TAF4B: variants seen among roughly 807,000 people sequenced by gnomAD.
The protein encoded by TAF4B is TATA-box binding protein associated factor 4b.
TAF4B carries 38 observed loss-of-function variants against 86.4 expected under a neutral mutation model. The observed-to-expected ratio is 0.44, with a 90% CI of 0.34 to 0.58. TAF4B has a LOEUF of 0.58. TAF4B is among the 20% of genes least tolerant of loss of function. The pLI is 0.02. For synonymous variants in TAF4B, 388 were observed against 391.2 expected (o/e 0.99, Z 0.10); for missense variants, 988 against 1,027.6 (o/e 0.96, Z 0.53).
intron 14 of TAF4B, among the ~76,000 whole-genome samples, chr18:26,366,568 G>A (rs1235483215): frequency 6.6e-6 from 1 of 152,180 alleles, no homozygotes; most frequent in Non-Finnish European, 1.5e-5. Context: ...CTTAAAGCAA[G>A]GGGTATAGAT....
chr18:26,389,807 T>C, intron 14 of TAF4B, 38 bp from the exon 15 acceptor site: 2 of 1,593,578 alleles, frequency 1.3e-6, no homozygotes, highest in Non-Finnish European at 1.7e-6. Context: ...TTATGAAAGA[T>C]TTTTATTTCA....
intron 2 of TAF4B, chr18:26,266,124 T>G (rs1486135993): frequency 6.6e-6 from 1 of 152,166 alleles, no homozygotes; most frequent in Admixed American, 6.6e-5. Flanking sequence ...TTCTTTTTTG[T>G]TTTTTGAGAC....
At chr18:26,367,556 GTTC>G (rs958051032) in intron 14 of TAF4B, among the ~76,000 whole-genome samples, 5 of 152,224 alleles carry the variant, frequency 3.3e-5, no homozygotes, top group African/African-American at 1.2e-4. Flanking sequence ...GGTAAGGGTG[GTTC>G]TTCTTTATTC....
chr18:26,239,903 T>G (rs1430171428), intron 1 of TAF4B, among the ~76,000 whole-genome samples: 1 of 152,244 alleles, frequency 6.6e-6, no homozygotes, highest in African/African-American at 2.4e-5. Context: ...GTTGTAGATG[T>G]GTGGTACTAT....
chr18:26,303,254 A>G (rs188279298), intron 9 of TAF4B, among the ~76,000 whole-genome samples: 48 of 100,480 alleles, frequency 4.8e-4, no homozygotes, highest in East Asian at 1.5e-3. Flanking sequence ...TACTCCCTCC[A>G]CTTTCATCCT....
chr18:26,260,727 G>C (rs2056152819), intron 1 of TAF4B, among the ~76,000 whole-genome samples: 1 of 152,048 alleles, frequency 6.6e-6, no homozygotes, highest in African/African-American at 2.4e-5. Flanking sequence ...TGCCAGTTTA[G>C]GTTTACTTTT....
intron 6 of TAF4B, among the ~76,000 whole-genome samples, chr18:26,282,494 AAAAAATATTTTATTGCT>A (rs573372056): frequency 6.6e-6 from 1 of 152,348 alleles, no homozygotes; most frequent in Admixed American, 6.5e-5. Context: ...TATGCTAATT[AAAAAATATTTTATTGCT>A]AAAAAGTGCT....
chr18:26,302,422 G>A (rs1429581765), intron 9 of TAF4B, among the ~76,000 whole-genome samples: 1 of 133,690 alleles, frequency 7.5e-6, no homozygotes, highest in Non-Finnish European at 1.5e-5. Flanking sequence ...CTAGGCTGGA[G>A]TGCATTGAGT....
chr18:26,259,213 T>G (rs2056128687), intron 1 of TAF4B, among the ~76,000 whole-genome samples: 2 of 151,866 alleles, frequency 1.3e-5, no homozygotes, highest in South Asian at 4.2e-4. Flanking sequence ...CCTCTCTTTC[T>G]GGTACTAACA....
intron 9 of TAF4B, among the ~76,000 whole-genome samples, chr18:26,309,633 T>A (rs1008679741): frequency 1.3e-5 from 2 of 152,106 alleles, no homozygotes; most frequent in African/African-American, 4.8e-5. Flanking sequence ...AGTATGTTAT[T>A]TATGGTAATA....
At chr18:26,258,252 C>CAA (rs560676496) in intron 1 of TAF4B, among the ~76,000 whole-genome samples, 42 of 112,774 alleles carry the variant, frequency 3.7e-4, no homozygotes, top group African/African-American at 1.1e-3. Flanking sequence ...GACTCCATCT[C>CAA]AAAAAAAAAA....
chr18:26,266,880 C>A (rs958603498), intron 2 of TAF4B: 4 of 146,098 alleles, frequency 2.7e-5, no homozygotes, highest in African/African-American at 5.3e-5. Flanking sequence ...ACAAAAAAAA[C>A]AAACAAAAAT....
chr18:26,379,031 A>G (rs1350526393), intron 14 of TAF4B, among the ~76,000 whole-genome samples: 6 of 152,182 alleles, frequency 3.9e-5, no homozygotes, highest in Admixed American at 2.0e-4. Flanking sequence ...TTTGTGGCCT[A>G]TGTTTTCATT....
At chr18:26,236,092 G>A (rs1012104255) in intron 1 of TAF4B, among the ~76,000 whole-genome samples, 3 of 152,164 alleles carry the variant, frequency 2.0e-5, no homozygotes, top group African/African-American at 7.2e-5. Context: ...CCAGACTTCA[G>A]GGTTGATTCC....
chr18:26,376,043 G>A (rs556251610), intron 14 of TAF4B, among the ~76,000 whole-genome samples: 3 of 152,052 alleles, frequency 2.0e-5, no homozygotes, highest in Non-Finnish European at 4.4e-5. Flanking sequence ...CTAGGATCTC[G>A]ATTCTATTTC....
chr18:26,331,676 C>T (rs1339848049), intron 12 of TAF4B, among the ~76,000 whole-genome samples: 1 of 152,116 alleles, frequency 6.6e-6, no homozygotes, highest in African/African-American at 2.4e-5. Context: ...CCTCTCTCTC[C>T]ACATCCAAAC....
chr18:26,271,365 A>C (rs1428392287), intron 3 of TAF4B, among the ~76,000 whole-genome samples: 1 of 152,234 alleles, frequency 6.6e-6, no homozygotes, highest in African/African-American at 2.4e-5. Flanking sequence ...TTTCTAATTA[A>C]ATGTGAATAA....
At chr18:26,265,138 A>G (rs1343027670) in intron 1 of TAF4B, 32 bp from the exon 2 acceptor site, 2 of 1,599,298 alleles carry the variant, frequency 1.3e-6, no homozygotes, top group East Asian at 2.2e-5. Context: ...TTAGTGGCTC[A>G]GAGGTCACTT....
At chr18:26,229,494 C>CT (rs34261854) in intron 1 of TAF4B, among the ~76,000 whole-genome samples, 5,491 of 129,360 alleles carry the variant, frequency 0.042, 159 homozygotes, top group Non-Finnish European at 0.059. Flanking sequence ...TTCTTTCTTT[C>CT]TTTTTTTTTT....
Sources: gnomAD v4.1 joint callset for allele counts (sites outside exome capture counted in the v4.1 genomes callset) on GRCh38, gnomAD v4.1.1 for gene constraint, MANE v1.5 for transcripts, NCBI Gene and HGNC (gene_info 2026-07-23, HGNC 2026-07-21) for gene names.